Variants in PPARGC1B observed in about 807,000 individuals in gnomAD.
The protein encoded by PPARGC1B is PPARG coactivator 1 beta.
A neutral mutation model predicts 101.6 loss-of-function variants in PPARGC1B; 34 were observed. The ratio of observed to expected loss-of-function variants is 0.33; its 90% CI spans 0.25 to 0.45. The LOEUF (loss-of-function observed/expected upper bound fraction) is 0.45, where lower values mean the gene tolerates loss of function less well. Among genes scored for constraint, PPARGC1B ranks in the 20% least tolerant of loss-of-function variants. PPARGC1B has a pLI of 1.00. For synonymous variants in PPARGC1B, 548 were observed against 539.3 expected (o/e 1.02, Z -0.22); for missense variants, 1,234 against 1,317.6 (o/e 0.94, Z 0.98).
At chr5:149,775,103 A>G (rs572261945) in intron 1 of PPARGC1B, among the ~76,000 whole-genome samples, 1 of 152,092 alleles carries the variant, frequency 6.6e-6, no homozygotes, top group South Asian at 2.1e-4. Context: ...GGGGTGGAGT[A>G]GGGCAGCTCC....
At chr5:149,732,240 G>A (rs1165953723) in intron 1 of PPARGC1B, among the ~76,000 whole-genome samples, 1 of 152,206 alleles carries the variant, frequency 6.6e-6, no homozygotes, top group Non-Finnish European at 1.5e-5. Flanking sequence ...GGGCTAGCGG[G>A]CACTGAGTGC....
At chr5:149,759,456 A>C (rs181366331) in intron 1 of PPARGC1B, among the ~76,000 whole-genome samples, 242 of 152,282 alleles carry the variant, frequency 1.6e-3, no homozygotes, top group Non-Finnish European at 2.8e-3. Context: ...TGAAAGCTGT[A>C]GCAACAGTGG....
intron 1 of PPARGC1B, among the ~76,000 whole-genome samples, chr5:149,777,784 AACACACACACACACACACAC>A (rs4039101): frequency 3.3e-5 from 3 of 91,008 alleles, no homozygotes; most frequent in African/African-American, 1.0e-4. Flanking sequence ...CTGTCTTTGT[AACACACACACACACACACAC>A]ACACACACAC....
At chr5:149,742,546 G>GT (rs1366106926) in intron 1 of PPARGC1B, among the ~76,000 whole-genome samples, 1 of 152,216 alleles carries the variant, frequency 6.6e-6, no homozygotes, top group African/African-American at 2.4e-5. Flanking sequence ...TTGGCAGGCA[G>GT]TGGGGAGTTG....
At chr5:149,780,328 G>A (rs980404621) in intron 1 of PPARGC1B, among the ~76,000 whole-genome samples, 1 of 152,220 alleles carries the variant, frequency 6.6e-6, no homozygotes, top group African/African-American at 2.4e-5. Flanking sequence ...TGGCTCTCCT[G>A]ACCTTGAATT....
At chr5:149,825,826 A>T (rs1232463670) in intron 2 of PPARGC1B, among the ~76,000 whole-genome samples, 2 of 152,182 alleles carry the variant, frequency 1.3e-5, no homozygotes, top group African/African-American at 4.8e-5. Flanking sequence ...TACCACCGCC[A>T]CCACTGTCAT....
chr5:149,827,304 C>G, intron 3 of PPARGC1B, among the ~76,000 whole-genome samples: 1 of 152,218 alleles, frequency 6.6e-6, no homozygotes, highest in South Asian at 2.1e-4. Flanking sequence ...GGTTACTGAT[C>G]TGTTATGTGA....
chr5:149,760,363 G>C (rs1390327825), intron 1 of PPARGC1B, among the ~76,000 whole-genome samples: 1 of 152,210 alleles, frequency 6.6e-6, no homozygotes, highest in Non-Finnish European at 1.5e-5. Flanking sequence ...GGTAGCTATG[G>C]GAAGGGCTTT....
intron 1 of PPARGC1B, among the ~76,000 whole-genome samples, chr5:149,801,234 A>G (rs1187866449): frequency 6.6e-6 from 1 of 152,192 alleles, no homozygotes; most frequent in Non-Finnish European, 1.5e-5. Context: ...ATGCATATAA[A>G]TGTTTAATAA....
chr5:149,738,917 C>T (rs1754820382), intron 1 of PPARGC1B, among the ~76,000 whole-genome samples: 1 of 152,232 alleles, frequency 6.6e-6, no homozygotes. Flanking sequence ...TTGAAGCTAA[C>T]TTCTTCTGCT....
chr5:149,799,693 G>GT (rs11371560), intron 1 of PPARGC1B, among the ~76,000 whole-genome samples: 18,627 of 76,022 alleles, frequency 0.25, 3,196 homozygotes, highest in Middle Eastern at 0.33. Context: ...GCTTGTTGTT[G>GT]TTTTTTTTTT....
At chr5:149,803,884 C>T (rs1337245938) in intron 1 of PPARGC1B, among the ~76,000 whole-genome samples, 2 of 152,264 alleles carry the variant, frequency 1.3e-5, no homozygotes, top group African/African-American at 4.8e-5. Context: ...CTCGAGTCTG[C>T]AGGACCTGAG....
chr5:149,782,138 A>G (rs1306499873), intron 1 of PPARGC1B, among the ~76,000 whole-genome samples: 1 of 152,034 alleles, frequency 6.6e-6, no homozygotes, highest in African/African-American at 2.4e-5. Flanking sequence ...AGAAGGGCAC[A>G]CTGAGCCATT....
At chr5:149,785,085 A>G (rs982230306) in intron 1 of PPARGC1B, among the ~76,000 whole-genome samples, 1 of 152,172 alleles carries the variant, frequency 6.6e-6, no homozygotes, top group African/African-American at 2.4e-5. Flanking sequence ...GGGGTTCTCT[A>G]TACTAACAGA....
At chr5:149,799,687 G>GTTTTTT (rs1561553708) in intron 1 of PPARGC1B, among the ~76,000 whole-genome samples, 2 of 85,438 alleles carry the variant, frequency 2.3e-5, no homozygotes, top group African/African-American at 4.2e-5. Flanking sequence ...TTGTTTGCTT[G>GTTTTTT]TTGTTGTTTT....
At chr5:149,786,118 AG>A (rs1756799029) in intron 1 of PPARGC1B, among the ~76,000 whole-genome samples, 1 of 150,906 alleles carries the variant, frequency 6.6e-6, no homozygotes, top group South Asian at 2.1e-4. Context: ...TTTGAGATGG[AG>A]TCTTGCTCTG....
intron 1 of PPARGC1B, among the ~76,000 whole-genome samples, chr5:149,795,789 AG>A (rs35496202): frequency 0.23 from 34,650 of 151,482 alleles, 4,357 homozygotes; most frequent in East Asian, 0.32. Flanking sequence ...TGGTGGGGGC[AG>A]GGGGGGATGA....
intron 9 of PPARGC1B, among the ~76,000 whole-genome samples, chr5:149,841,889 C>T (rs1759353076): frequency 6.6e-6 from 1 of 152,206 alleles, no homozygotes; most frequent in Admixed American, 6.5e-5. Flanking sequence ...ATCAACCTGC[C>T]TCCTGTGCTT....
Position 149,754,814 on chromosome 5 carries a change from C to A in PPARGC1B, c.78+24394C>A, listed in dbSNP as rs1755446436. On this transcript the variant is annotated intron_variant, in intron 1 of 11. Transcript: ENST00000309241. Reference sequence around the variant, plus strand: ...TTTTTTTTTTTTAGACAGAGTCTTGCTCTGTCACCCAGGCTGGAGTGCAGT... The same window carrying A: ...TTTTTTTTTTTTAGACAGAGTCTTGATCTGTCACCCAGGCTGGAGTGCAGT... Among the ~76,000 whole-genome samples the A allele has an allele frequency of 3.2e-5, 4 of 124,266 alleles. No individual in the cohort carries two copies. The Admixed American group carries it at 3.9e-4, about 12-fold the overall frequency. 81.5% of individuals were successfully genotyped at this position (124,266 alleles called of 152,430 possible). A position where few individuals can be genotyped will look rare whatever the true frequency, so the allele number is the denominator to read the frequency against.
Sources: allele counts gnomAD v4.1 joint callset (sites outside exome capture counted in the v4.1 genomes callset), GRCh38; gene constraint gnomAD v4.1.1; transcripts MANE v1.5; gene names NCBI Gene and HGNC (gene_info 2026-07-23, HGNC 2026-07-21).